TECPR2: variants seen among roughly 807,000 people sequenced by gnomAD.
TECPR2 encodes tectonin beta-propeller repeat-containing protein 2.
TECPR2 carries 65 observed loss-of-function variants against 138.1 expected under a neutral mutation model. The ratio of observed to expected loss-of-function variants is 0.47; its 90% confidence interval spans 0.39 to 0.58. The LOEUF is 0.58. Among genes scored for constraint, TECPR2 ranks in the 20% least tolerant of loss-of-function variants. TECPR2 has a pLI of 0.00. For missense variants in TECPR2, 1,553 were observed against 1,824.5 expected (o/e 0.85, Z 2.71); for synonymous variants, 746 against 749.8 (o/e 0.99, Z 0.08).
intron 2 of TECPR2, among the ~76,000 whole-genome samples, chr14:102,396,406 C>T (rs757830364): frequency 3.9e-5 from 6 of 152,130 alleles, no homozygotes; most frequent in Non-Finnish European, 7.3e-5. Context: ...CCCGGCCCAT[C>T]TTTTAATAAG....
intron 19 of TECPR2, 85 bp from the exon 20 acceptor site, chr14:102,498,018 C>CCCGCGCCCAAGCTCCCAGCTCCAT: frequency 1.2e-6 from 1 of 824,174 alleles, no homozygotes; most frequent in Non-Finnish European, 1.8e-6. Context: ...CAAGCCCAGA[C>CCCGCGCCCAAGCTCCCAGCTCCAT]CTGCGCCCAA....
intron 1 of TECPR2, among the ~76,000 whole-genome samples, chr14:102,371,037 T>C (rs1887492583): frequency 6.6e-6 from 1 of 152,220 alleles, no homozygotes; most frequent in African/African-American, 2.4e-5. Flanking sequence ...CCATTTCAGA[T>C]GGTAATTGGA....
chr14:102,368,050 C>CAGGCTGGA (rs1887394471), intron 1 of TECPR2, among the ~76,000 whole-genome samples: 1 of 131,920 alleles, frequency 7.6e-6, no homozygotes, highest in Non-Finnish European at 1.5e-5. Context: ...CTCTGTTGCC[C>CAGGCTGGA]AGGCTGGAGT....
At chr14:102,472,268 C>T (rs1363886686) in intron 17 of TECPR2, among the ~76,000 whole-genome samples, 2 of 152,196 alleles carry the variant, frequency 1.3e-5, no homozygotes, top group African/African-American at 2.4e-5. Context: ...AAAAGGGTTA[C>T]ATGGAGAACG....
chr14:102,431,786 T>C lies in TECPR2; in HGVS notation c.1085-10T>C. On this transcript the variant is annotated splice_polypyrimidine_tract_variant and intron_variant, in intron 7 of 19. Transcript: ENST00000359520. ...ATCACCAGTGGTAAAACCAGACTCT[T>C]CTTTCTTAGTGAGAGATGGTCTGGA... 2.0e-6 allele frequency: 3 copies of C among 1,536,938 alleles called. No homozygotes were observed. Among genetic ancestry groups the C allele is most frequent in the Non-Finnish European group, 2.6e-6 (3 of 1,138,106 alleles).
chr14:102,496,258 C>T (rs1475968606), intron 17 of TECPR2, among the ~76,000 whole-genome samples: 1 of 152,220 alleles, frequency 6.6e-6, no homozygotes, highest in Middle Eastern at 3.2e-3. Context: ...ACCAGCACTG[C>T]TGGTGACCAG....
At position 102,415,784 on chromosome 14, in the gene TECPR2, CA is replaced by C. The variant is rs556432866; in HGVS notation, c.638+992del. Among the ~76,000 whole-genome samples, 283 of 152,296 alleles carry C rather than the reference CA, an allele frequency of 1.9e-3. 2 individuals carry two copies. The highest frequency in any genetic ancestry group is 6.2e-3 in the African/African-American group (259 of 41,560). On this transcript the variant is annotated intron_variant, in intron 5 of 19. Coordinates refer to ENST00000359520, the MANE Select transcript of TECPR2 (RefSeq NM_014844.5). The surrounding 1 kb of genome is among the most constrained non-coding windows in gnomAD (Gnocchi z 4.3). ...AGGGCACTGTTTGCCTGCATAGAATCAGGGGCAGGGCAGCTGATGGTCACGG... is the reference window on the plus strand; with the variant it reads ...AGGGCACTGTTTGCCTGCATAGAATCGGGGCAGGGCAGCTGATGGTCACGG...
intron 2 of TECPR2, among the ~76,000 whole-genome samples, chr14:102,395,527 C>T (rs771650366): frequency 1.3e-5 from 2 of 152,200 alleles, no homozygotes; most frequent in Non-Finnish European, 2.9e-5. Flanking sequence ...GGGCCGGGCA[C>T]GGTGGCTCAC....
chr14:102,375,235 A>G (rs988645340), intron 1 of TECPR2, among the ~76,000 whole-genome samples: 2 of 151,954 alleles, frequency 1.3e-5, no homozygotes, highest in Non-Finnish European at 2.9e-5. Flanking sequence ...AGTCCCAGCT[A>G]CGTGGGAGGT....
At chr14:102,424,954 CTT>C (rs746233855) in intron 5 of TECPR2, 23 bp from the exon 6 acceptor site, 1 of 1,553,612 alleles carries the variant, frequency 6.4e-7, no homozygotes, top group Middle Eastern at 1.7e-4. Flanking sequence ...GTTTTTTGTT[CTT>C]TCTTTCTTTC....
At chr14:102,438,263 C>G (rs910523682) in intron 10 of TECPR2, 58 bp downstream of exon 10, 1 of 1,547,414 alleles carries the variant, frequency 6.5e-7, no homozygotes, top group Non-Finnish European at 8.7e-7. Flanking sequence ...TCCTGCTCCC[C>G]GCCCCCGGGG....
In TECPR2 at chr14:102,407,349, A is replaced by G. The variant is rs2139693258; in HGVS notation, c.231A>G (p.Glu77=). The stretch of plus-strand genomic sequence containing the variant: ...CAACGTTTCCCCAGGGGAAGACGGA[A>G]TCTATCACTGTGGTGAAGCTGCTGA... ...MRKYNFEGKT[E]SITVVKLLSC... Residue 77 remains glutamate, a synonymous_variant, in exon 3 of 20, where the codon GAA becomes GAG. Transcript: ENST00000359520. 6.2e-7 allele frequency: 1 copy of G among 1,606,710 alleles called. No homozygotes were observed. Among genetic ancestry groups the G allele is most frequent in the Non-Finnish European group, 8.5e-7 (1 of 1,177,424 alleles).
chr14:102,476,760 T>C (rs940115094), intron 17 of TECPR2, among the ~76,000 whole-genome samples: 3 of 152,188 alleles, frequency 2.0e-5, no homozygotes, highest in Non-Finnish European at 4.4e-5. Flanking sequence ...ATCATTTCAT[T>C]TATATAAAAT....
chr14:102,438,126 C>T lies in TECPR2; in HGVS notation c.2499C>T (p.Phe833=), dbSNP rs539429220. 1 of 1,613,994 alleles carries T rather than the reference C, an allele frequency of 6.2e-7. No homozygotes were observed. Among genetic ancestry groups the T allele is most frequent in the South Asian group, 1.1e-5 (1 of 91,078 alleles). The change falls in exon 10 of 20, where the codon TTC becomes TTT. Residue 833 remains phenylalanine, a synonymous_variant. Transcript: ENST00000359520. ...GCCTGGACTACAAAGGCGGCCTGTT[C>T]TGCAGCGCGTTGCCGGGCGCCGGGC... ...IWCLDYKGGL[F]CSALPGAGLR...
rs115635876 is a variant in TECPR2, at chr14:102,457,234, A to G, written c.3640+4607A>G. ...CGAGTAGCTGGGATGACAGGCATCC[A>G]CAGCCATGCCCGGCTAATGTTTGTG... On this transcript the variant is annotated intron_variant, in intron 16 of 19. Coordinates refer to ENST00000359520, the MANE Select transcript of TECPR2 (RefSeq NM_014844.5). 7.9e-4 allele frequency among the ~76,000 whole-genome samples: 120 copies of G among 152,112 alleles called. 2 individuals are homozygous for G. Among genetic ancestry groups the G allele is most frequent in the African/African-American group, 2.7e-3 (114 of 41,498 alleles).
Position 102,376,783 on chromosome 14 carries a change from A to G in TECPR2, c.62A>G (p.Asn21Ser), listed in dbSNP as rs776124872. The change falls in exon 2 of 20, where the codon AAT becomes AGT. Residue 21 changes from asparagine to serine, a missense_variant. Asn to Ser is a conservative substitution (Grantham distance 46, BLOSUM62 1). Coordinates refer to ENST00000359520, the MANE Select transcript of TECPR2 (RefSeq NM_014844.5). Reference protein sequence around the residue: ...REFCPLYYLLNAIPTKIQKGF... With the variant: ...REFCPLYYLLSAIPTKIQKGF... The stretch of plus-strand genomic sequence containing the variant: ...TTCTGCCCGTTGTACTATCTCCTCA[A>G]TGCCATTCCGACAAAGATCCAGAAG... The G allele has an allele frequency of 3.1e-6, 5 of 1,614,070 alleles. No individual in the cohort carries two copies. The highest frequency in any genetic ancestry group is 3.3e-5 in the Admixed American group (2 of 60,002).
intron 10 of TECPR2, chr14:102,438,421 G>A: frequency 1.8e-6 from 1 of 547,448 alleles, no homozygotes; most frequent in Non-Finnish European, 3.1e-6. Context: ...TAGTGTAAAT[G>A]GGTGTTCAGT....
rs1434487188 is a variant in TECPR2, at chr14:102,438,216, C to T, written c.2578+11C>T. 1 of 871,606 alleles carries T rather than the reference C, an allele frequency of 1.1e-6. No individual in the cohort carries two copies. Among genetic ancestry groups the T allele is most frequent in the Non-Finnish European group, 1.7e-6 (1 of 602,162 alleles). The allele number at this position is 871,606 out of a possible 1,614,324, so 54.0% of individuals were successfully genotyped here. On this transcript the variant is annotated intron_variant, in intron 10 of 19. Coordinates refer to ENST00000359520, the MANE Select transcript of TECPR2 (RefSeq NM_014844.5). The stretch of plus-strand genomic sequence containing the variant: ...CAGTCTCGCCCTCAGGTTCGCCTCC[C>T]CGCTCCCTGCTCCCGCTCCCTGCTC...
At chr14:102,496,851 C>A in intron 17 of TECPR2, 128 bp from the exon 18 acceptor site, 2 of 1,424,580 alleles carry the variant, frequency 1.4e-6, no homozygotes, top group Non-Finnish European at 1.9e-6. Flanking sequence ...CGTGGCCTCT[C>A]TGCCTCCTGC....
Sources: allele counts gnomAD v4.1 joint callset (sites outside exome capture counted in the v4.1 genomes callset), GRCh38; gene constraint gnomAD v4.1.1; non-coding constraint Gnocchi (gnomAD v3.1); transcripts MANE v1.5; gene names NCBI Gene and HGNC (gene_info 2026-07-23, HGNC 2026-07-21).